DEFB125: variants seen among roughly 807,000 people sequenced by gnomAD.
DEFB125 encodes the protein defensin beta 125.
Under a neutral mutation model 11.8 loss-of-function variants are expected in DEFB125, and 11 were observed. The ratio of observed to expected loss-of-function variants is 0.94; its 90% confidence interval spans 0.59 to 1.55. DEFB125 has a LOEUF of 1.55. Among genes scored for constraint, DEFB125 ranks in the 40% most tolerant of loss-of-function variants. The pLI is 0.00. For missense variants in DEFB125, 198 were observed against 191.2 expected, an observed-to-expected ratio of 1.04 and a Z score of -0.21; for synonymous variants, 79 against 66.7, an observed-to-expected ratio of 1.18 and a Z score of -0.90.
At chr20:88,080 G>T (rs1003824686) in intron 1 of DEFB125, among the ~76,000 whole-genome samples, 1 of 152,040 alleles carries the variant, frequency 6.6e-6, no homozygotes, top group Non-Finnish European at 1.5e-5. Flanking sequence ...CTTCCATTTC[G>T]ATTATTCTGT....
At chr20:88,756 A>G (rs1194168046) in intron 1 of DEFB125, among the ~76,000 whole-genome samples, 1 of 152,136 alleles carries the variant, frequency 6.6e-6, no homozygotes, top group African/African-American at 2.4e-5. Context: ...ATTGCCTCAC[A>G]TTAATTACTC....
At chr20:89,968 G>A (rs994724187) in intron 1 of DEFB125, among the ~76,000 whole-genome samples, 3 of 152,116 alleles carry the variant, frequency 2.0e-5, no homozygotes, top group Non-Finnish European at 4.4e-5. Context: ...TTTATATTAT[G>A]TGTTTTCAAG....
In DEFB125 at chr20:94,088, G is replaced by GTT. The variant is rs11378566; in HGVS notation, c.59-1909_59-1908dup. On this transcript the variant is annotated intron_variant, in intron 1 of 1. Coordinates refer to ENST00000382410, the MANE Select transcript of DEFB125 (RefSeq NM_153325.4). ...ATTAAACATTTTTTTAAGTTTTTTG[G>GTT]TTTTTTTTTAATAAAAACTAAATGC... 6.3e-3 allele frequency among the ~76,000 whole-genome samples: 946 copies of GTT among 150,636 alleles called. 9 individuals are homozygous for GTT. Among genetic ancestry groups the GTT allele is most frequent in the African/African-American group, 0.022 (885 of 41,042 alleles).
intron 1 of DEFB125, among the ~76,000 whole-genome samples, chr20:90,848 G>C (rs142363517): frequency 6.6e-6 from 1 of 152,208 alleles, no homozygotes; most frequent in East Asian, 1.9e-4. Context: ...TCAGATACTG[G>C]TGTGACTAAT....
Position 87,727 on chromosome 20 carries a change from G to T in DEFB125, c.18G>T (p.Leu6=). The T allele has an allele frequency of 6.2e-7, 1 of 1,613,174 alleles. No individual in the cohort carries two copies. Among genetic ancestry groups the T allele is most frequent in the South Asian group, 1.1e-5 (1 of 91,064 alleles). The change falls in exon 1 of 2, where the codon CTG becomes CTT. Residue 6 remains leucine, a synonymous_variant. Coordinates refer to ENST00000382410, the MANE Select transcript of DEFB125 (RefSeq NM_153325.4). MNILM[L]TFIICGLLTR... The stretch of plus-strand genomic sequence containing the variant: ...CAGGAGCCATGAATATCCTGATGCT[G>T]ACCTTCATTATCTGTGGGTTGCTAA...
chr20:91,622 G>T (rs1287525459), intron 1 of DEFB125, among the ~76,000 whole-genome samples: 1 of 152,156 alleles, frequency 6.6e-6, no homozygotes, highest in African/African-American at 2.4e-5. Context: ...AAACTTTGAT[G>T]ACTGTGTGAC....
At position 96,096 on chromosome 20, in the gene DEFB125, G is replaced by A. The variant is rs768046229; in HGVS notation, c.150G>A (p.Arg50=). The stretch of plus-strand genomic sequence containing the variant: ...CTGAAAGGTACATACTTCTTTGTAG[G>A]AACAAGCTATCATGCTGCATTTCTA... ...LDTERYILLC[R]NKLSCCISII... The change falls in exon 2 of 2, where the codon AGG becomes AGA. Residue 50 remains arginine, a synonymous_variant. Transcript: ENST00000382410. 5.0e-6 allele frequency: 8 copies of A among 1,614,044 alleles called. No individual in the cohort carries two copies. Among genetic ancestry groups the A allele is most frequent in the Non-Finnish European group, 5.9e-6 (7 of 1,180,024 alleles).
intron 1 of DEFB125, among the ~76,000 whole-genome samples, chr20:93,356 A>G (rs887949181): frequency 6.6e-6 from 1 of 152,030 alleles, no homozygotes. Context: ...TTAACCTTAC[A>G]TTGCTCTCTA....
In DEFB125 at chr20:96,532, A is replaced by G. The variant is rs1600135828; in HGVS notation, c.*115A>G. 4.6e-6 allele frequency: 6 copies of G among 1,297,310 alleles called. No individual in the cohort carries two copies. Among genetic ancestry groups the G allele is most frequent in the Non-Finnish European group, 6.3e-6 (6 of 948,630 alleles). The allele number at this position is 1,297,310 out of a possible 1,614,324, so 80.4% of individuals were successfully genotyped here. ...AAATTCCATCAGGGATTGGATGACC[A>G]TGGGGATGGACATAATTGCTACTAC... On this transcript the variant is annotated 3_prime_UTR_variant, in exon 2 of 2. Transcript: ENST00000382410.
intron 1 of DEFB125, among the ~76,000 whole-genome samples, chr20:89,685 C>T (rs1390180103): frequency 6.6e-6 from 1 of 151,796 alleles, no homozygotes; most frequent in Admixed American, 6.6e-5. Flanking sequence ...TTTCTGTCTG[C>T]TTCATGTGTT....
intron 1 of DEFB125, among the ~76,000 whole-genome samples, chr20:88,714 C>T (rs186994949): frequency 1.3e-5 from 2 of 152,174 alleles, no homozygotes; most frequent in South Asian, 2.1e-4. Flanking sequence ...TATTTTTAAT[C>T]GATAAGTAAA....
chr20:88,038 T>C (rs927122780), intron 1 of DEFB125, among the ~76,000 whole-genome samples: 2 of 152,226 alleles, frequency 1.3e-5, no homozygotes, highest in Non-Finnish European at 2.9e-5. Flanking sequence ...TCTCTCTACA[T>C]AACTATCCAA....
At chr20:93,169 A>G (rs1018837179) in intron 1 of DEFB125, among the ~76,000 whole-genome samples, 4 of 151,878 alleles carry the variant, frequency 2.6e-5, no homozygotes, top group African/African-American at 9.7e-5. Flanking sequence ...ACAGGGTTTC[A>G]CCATGGCCAG....
chr20:88,381 C>T (rs574109909), intron 1 of DEFB125, among the ~76,000 whole-genome samples: 1 of 152,066 alleles, frequency 6.6e-6, no homozygotes, highest in African/African-American at 2.4e-5. Flanking sequence ...TTTAATAATG[C>T]TACTTTTGAA....
At chr20:92,625 C>T (rs1600134535) in intron 1 of DEFB125, among the ~76,000 whole-genome samples, 1 of 152,014 alleles carries the variant, frequency 6.6e-6, no homozygotes, top group East Asian at 1.9e-4. Context: ...TCTCCTGACC[C>T]TGTGATCCAC....
Position 96,303 on chromosome 20 carries a change from G to T in DEFB125, c.357G>T (p.Glu119Asp), listed in dbSNP as rs1448632902. ...ETMTPETNTP[E>D]TTMPPSEATT... ...TGACACCTGAGACCAATACTCCTGA[G>T]ACTACTATGCCACCATCTGAGGCCA... The change falls in exon 2 of 2, where the codon GAG becomes GAT. Residue 119 changes from glutamate to aspartate, a missense_variant. Physicochemically the swap from Glu to Asp is conservative, Grantham distance 45. Transcript: ENST00000382410. 6.2e-7 allele frequency: 1 copy of T among 1,613,976 alleles called. No homozygotes were observed. The highest frequency in any genetic ancestry group is 8.5e-7 in the Non-Finnish European group (1 of 1,179,948).
At position 95,882 on chromosome 20, in the gene DEFB125, A is replaced by G. The variant is rs551021145; in HGVS notation, c.59-123A>G. ...TTTGTTCTCCTGTTTGTCTCTTACAATGGCTTTTTGTATTTGACATCATAT... is the reference window on the plus strand; with the variant it reads ...TTTGTTCTCCTGTTTGTCTCTTACAGTGGCTTTTTGTATTTGACATCATAT... On this transcript the variant is annotated intron_variant, in intron 1 of 1. Coordinates refer to ENST00000382410, the MANE Select transcript of DEFB125 (RefSeq NM_153325.4). The G allele has an allele frequency of 5.0e-5, 45 of 905,790 alleles. No homozygotes were observed. In the South Asian group the frequency reaches 8.4e-4, roughly 17 times the overall value. 56.1% of individuals were successfully genotyped at this position (905,790 alleles called of 1,614,324 possible). A position where few individuals can be genotyped will look rare whatever the true frequency, so the allele number is the denominator to read the frequency against.
At chr20:91,441 T>G (rs1214615110) in intron 1 of DEFB125, among the ~76,000 whole-genome samples, 1 of 143,054 alleles carries the variant, frequency 7.0e-6, no homozygotes, top group Non-Finnish European at 1.5e-5. Context: ...TTCCATAGTT[T>G]CAGGTCTTAG....
chr20:96,245 T>A lies in DEFB125; in HGVS notation c.299T>A (p.Ile100Lys), dbSNP rs558280500. The A allele has an allele frequency of 4.3e-6, 7 of 1,614,204 alleles. No homozygotes were observed. In the Admixed American group the frequency reaches 1.0e-4, roughly 23 times the overall value. ...GSPVSMLNDLITFDTTKFGET... is the reference protein window; with the variant it reads ...GSPVSMLNDLKTFDTTKFGET... ...CCAGTATCTATGTTGAATGATCTGA[T>A]AACATTTGACACAACTAAATTTGGA... Residue 100 changes from isoleucine to lysine, a missense_variant, in exon 2 of 2, where the codon ATA (isoleucine) becomes AAA (lysine). Physicochemically the swap from Ile to Lys is moderately radical, Grantham distance 102. Transcript: ENST00000382410.
Sources: allele counts gnomAD v4.1 joint callset (sites outside exome capture counted in the v4.1 genomes callset), GRCh38; gene constraint gnomAD v4.1.1; transcripts MANE v1.5; gene names NCBI Gene and HGNC (gene_info 2026-07-23, HGNC 2026-07-21).